Variants in HECTD4 observed in about 807,000 individuals in gnomAD.
The protein encoded by HECTD4 is HECT domain E3 ubiquitin protein ligase 4.
A neutral mutation model predicts 471.5 loss-of-function variants in HECTD4; 114 were observed. The ratio of observed to expected loss-of-function variants is 0.24; its 90% CI spans 0.21 to 0.28. The LOEUF (loss-of-function observed/expected upper bound fraction) is 0.28, where lower values mean the gene tolerates loss of function less well. HECTD4 is among the 10% of genes least tolerant of loss of function. HECTD4 has a pLI of 1.00. For synonymous variants in HECTD4, 2,012 were observed against 2,256.0 expected (o/e 0.89, Z 3.07); for missense variants, 3,866 against 5,651.5 (o/e 0.68, Z 10.13).
At chr12:112,191,031 A>C in intron 59 of HECTD4, 66 bp from the exon 60 acceptor site, 1 of 1,336,330 alleles carries the variant, frequency 7.5e-7, no homozygotes. Context: ...GCCTCACAAA[A>C]GGTCCTGCCA....
At chr12:112,252,811 T>A (rs191272514) in intron 22 of HECTD4, among the ~76,000 whole-genome samples, 1 of 120,842 alleles carries the variant, frequency 8.3e-6, no homozygotes, top group African/African-American at 3.1e-5. Flanking sequence ...TTGAAAATAA[T>A]TTTTTTTTTT....
chr12:112,196,199 C>T (rs183491809), intron 55 of HECTD4, among the ~76,000 whole-genome samples: 10 of 152,262 alleles, frequency 6.6e-5, no homozygotes, highest in Admixed American at 3.9e-4. Flanking sequence ...ATTTGATATT[C>T]CTACTGACCC....
rs183402588 is a variant in HECTD4, at chr12:112,175,811, A to G, written c.11519T>C (p.Ile3840Thr). 7.7e-4 allele frequency: 1,245 copies of G among 1,613,628 alleles called. 1 individual carries two copies. The highest frequency in any genetic ancestry group is 7.9e-4 in the Non-Finnish European group (932 of 1,179,746). The change falls in exon 66 of 76, where the codon ATT becomes ACT. Residue 3840 changes from isoleucine (I) to threonine (T), a missense_variant. Around this residue, in one of 16 missense-constraint regions of HECTD4, gnomAD observed 715 missense variants for 1,087.6 expected, o/e 0.66. Transcript: ENST00000682272. Reference sequence around the variant, plus strand: ...ACGGATATCTTGCCTGGCTCGGTCAATAACAAATTTGTGAAATCCTTCCAG... The same window carrying G: ...ACGGATATCTTGCCTGGCTCGGTCAGTAACAAATTTGTGAAATCCTTCCAG... Reference protein sequence around the residue: ...LTLEGFHKFVIDRARQDIRSV... With the variant: ...LTLEGFHKFVTDRARQDIRSV...
intron 7 of HECTD4, among the ~76,000 whole-genome samples, chr12:112,295,863 T>G (rs1283467179): frequency 2.4e-4 from 36 of 151,926 alleles, no homozygotes; most frequent in Admixed American, 2.4e-3. Context: ...GGTCTCACTC[T>G]GTTGCCCAGG....
intron 52 of HECTD4, 22 bp downstream of exon 52, chr12:112,207,852 A>G: frequency 6.2e-7 from 1 of 1,612,518 alleles, no homozygotes; most frequent in African/African-American, 1.3e-5. Flanking sequence ...TAACCTCCTT[A>G]GCAGAACAAA....
At chr12:112,308,123 T>C (rs2035301280) in intron 6 of HECTD4, among the ~76,000 whole-genome samples, 1 of 152,192 alleles carries the variant, frequency 6.6e-6, no homozygotes, top group African/African-American at 2.4e-5. Flanking sequence ...GTTACCATCA[T>C]TGTTATTATT....
At chr12:112,233,186 C>A in intron 37 of HECTD4, 101 bp from the exon 38 acceptor site, 2 of 625,404 alleles carry the variant, frequency 3.2e-6, no homozygotes, top group Non-Finnish European at 2.8e-6. Flanking sequence ...CCCTATTATA[C>A]ACTAACATTA....
chr12:112,381,892 C>A lies in HECTD4; in HGVS notation c.177+60G>T. 1 of 1,156,334 alleles carries A rather than the reference C, an allele frequency of 8.6e-7. No homozygotes were observed. Among genetic ancestry groups the A allele is most frequent in the Non-Finnish European group, 1.1e-6 (1 of 922,946 alleles). The allele number at this position is 1,156,334 out of a possible 1,614,324, so 71.6% of individuals were successfully genotyped here. A position where few individuals can be genotyped will look rare whatever the true frequency, so the allele number is the denominator to read the frequency against. On this transcript the variant is annotated intron_variant, in intron 1 of 75. Coordinates refer to ENST00000682272, the MANE Select transcript of HECTD4 (RefSeq NM_001388303.1). This position sits in a 1 kb window ranked among gnomAD's most constrained non-coding sequence, Gnocchi z 4.1. ...GGCTGAGGCGAGGAGGGGGCCCGACCCGGGGGTGCCGGGCGAGTGGGTCAG... is the reference window on the plus strand; with the variant it reads ...GGCTGAGGCGAGGAGGGGGCCCGACACGGGGGTGCCGGGCGAGTGGGTCAG...
intron 50 of HECTD4, among the ~76,000 whole-genome samples, chr12:112,209,118 TCTCAAA>T (rs929967941): frequency 5.9e-5 from 9 of 151,774 alleles, no homozygotes; most frequent in Non-Finnish European, 1.3e-4. Context: ...CCTAGGTTGG[TCTCAAA>T]CTCCTGGGCT....
chr12:112,257,708 A>G (rs1404640529), intron 20 of HECTD4, among the ~76,000 whole-genome samples: 4 of 152,214 alleles, frequency 2.6e-5, no homozygotes, highest in African/African-American at 9.6e-5. Flanking sequence ...TTGTATGACT[A>G]TATCACAATT....
intron 1 of HECTD4, among the ~76,000 whole-genome samples, chr12:112,329,029 C>A (rs970070811): frequency 6.6e-6 from 1 of 152,206 alleles, no homozygotes; most frequent in South Asian, 2.1e-4. Context: ...TGTTCAAATT[C>A]TTTTACCATG....
At chr12:112,198,086 C>T (rs1046493773) in intron 55 of HECTD4, among the ~76,000 whole-genome samples, 2 of 152,188 alleles carry the variant, frequency 1.3e-5, no homozygotes, top group South Asian at 2.1e-4. Context: ...CCGCCCACCT[C>T]GGCCTCCCAA....
chr12:112,328,298 C>T (rs1293349833), intron 1 of HECTD4, among the ~76,000 whole-genome samples: 2 of 152,074 alleles, frequency 1.3e-5, no homozygotes, highest in African/African-American at 4.8e-5. Context: ...ACCACTATGC[C>T]TAGCTAATTT....
intron 73 of HECTD4, 70 bp downstream of exon 73, chr12:112,164,039 T>G: frequency 7.4e-7 from 1 of 1,352,820 alleles, no homozygotes; most frequent in East Asian, 2.7e-5. Flanking sequence ...CAGGAACAGA[T>G]GCTGCTGTCA....
intron 38 of HECTD4, 74 bp downstream of exon 38, chr12:112,232,930 T>C (rs534582037): frequency 7.4e-7 from 1 of 1,348,320 alleles, no homozygotes; most frequent in African/African-American, 1.4e-5. Context: ...GTTTTCTTAA[T>C]TTGTTCTGAA....
chr12:112,214,375 G>A (rs1414092143), intron 48 of HECTD4, among the ~76,000 whole-genome samples: 1 of 152,190 alleles, frequency 6.6e-6, no homozygotes, highest in Non-Finnish European at 1.5e-5. Context: ...CTATGGCTTA[G>A]GTACCACAGG....
At chr12:112,201,780 GTTCA>G (rs1480831362) in intron 54 of HECTD4, among the ~76,000 whole-genome samples, 1 of 152,078 alleles carries the variant, frequency 6.6e-6, no homozygotes, top group Non-Finnish European at 1.5e-5. Context: ...TAAAATTTAT[GTTCA>G]TTGTTTTTAT....
chr12:112,364,019 C>CAAAAAAAAAAAAAAAAAAAAAAAAAAAAA (rs2036509702), intron 1 of HECTD4, among the ~76,000 whole-genome samples: 2 of 118,556 alleles, frequency 1.7e-5, no homozygotes, highest in African/African-American at 3.3e-5. Context: ...AAAAAAAAAT[C>CAAAAAAAAAAAAAAAAAAAAAAAAAAAAA]AAAGGTCGTG....
At chr12:112,164,355 C>T in intron 72 of HECTD4, 80 bp from the exon 73 acceptor site, 1 of 1,460,224 alleles carries the variant, frequency 6.8e-7, no homozygotes, top group Non-Finnish European at 9.3e-7. Flanking sequence ...TGGGTAAACC[C>T]CAAGCGCAGC....
Sources: allele counts gnomAD v4.1 joint callset (sites outside exome capture counted in the v4.1 genomes callset), GRCh38; gene constraint gnomAD v4.1.1; regional missense constraint gnomAD v4.1.1; non-coding constraint Gnocchi (gnomAD v3.1); transcripts MANE v1.5; gene names NCBI Gene and HGNC (gene_info 2026-07-23, HGNC 2026-07-21).